The following BARX2 variants were observed in gnomAD, a reference collection of about 807,000 sequenced individuals.
BARX2 encodes the protein BARX homeobox 2.
In BARX2, 11 loss-of-function variants were observed where a neutral mutation model predicts 25.5. That is an observed-to-expected ratio of 0.43 (90% confidence interval 0.27 to 0.71). The LOEUF is 0.71. Among genes scored for constraint, BARX2 ranks in the 30% least tolerant of loss-of-function variants. The pLI is 0.19. For synonymous variants in BARX2, 137 were observed against 149.5 expected (o/e 0.92, Z 0.61); for missense variants, 360 against 359.9 (o/e 1.00, Z 0.00).
intron 1 of BARX2, among the ~76,000 whole-genome samples, chr11:129,432,478 C>T (rs543953102): frequency 1.3e-5 from 2 of 152,302 alleles, no homozygotes; most frequent in African/African-American, 4.8e-5. Flanking sequence ...TGACATAAAG[C>T]GAGAAAATTC....
chr11:129,382,952 C>G (rs1861583294), intron 1 of BARX2, among the ~76,000 whole-genome samples: 1 of 152,212 alleles, frequency 6.6e-6, no homozygotes, highest in Non-Finnish European at 1.5e-5. Flanking sequence ...TTGGGCCTGC[C>G]TGTCGGTGCC....
rs1230026508 is a variant in BARX2, at chr11:129,390,942, T to TA, written c.187+14723dup. On this transcript the variant is annotated intron_variant, in intron 1 of 3. Coordinates refer to ENST00000281437, the MANE Select transcript of BARX2 (RefSeq NM_003658.5). The surrounding 1 kb of genome is among the most constrained non-coding windows in gnomAD (Gnocchi z 4.3). ...GCACAGGCGGTGTGGAAGCAGGATT[T>TA]AAAGTAGAACTCCTGTCAAAAACCT... is the stretch of plus-strand genomic sequence containing the variant. Among the ~76,000 whole-genome samples the TA allele has an allele frequency of 2.0e-5, 3 of 152,204 alleles. No homozygotes were observed. Among genetic ancestry groups the TA allele is most frequent in the African/African-American group, 7.2e-5 (3 of 41,454 alleles).
intron 1 of BARX2, among the ~76,000 whole-genome samples, chr11:129,405,589 T>C (rs1861821406): frequency 6.6e-6 from 1 of 152,202 alleles, no homozygotes; most frequent in Non-Finnish European, 1.5e-5. Flanking sequence ...AACTTTACAC[T>C]TTAAGATGAT....
chr11:129,404,202 A>G (rs900847124), intron 1 of BARX2, among the ~76,000 whole-genome samples: 2 of 152,226 alleles, frequency 1.3e-5, no homozygotes, highest in African/African-American at 4.8e-5. Context: ...ACGGTTCTGA[A>G]TGACGTTGCC....
chr11:129,435,994 C>T (rs7122903), intron 1 of BARX2, among the ~76,000 whole-genome samples: 33,866 of 152,100 alleles, frequency 0.22, 3,923 homozygotes, highest in Middle Eastern at 0.3. Context: ...TGAGAATCCT[C>T]CTTAACATAG....
chr11:129,382,282 G>A (rs1487311890), intron 1 of BARX2, among the ~76,000 whole-genome samples: 3 of 152,050 alleles, frequency 2.0e-5, no homozygotes, highest in Non-Finnish European at 4.4e-5. Flanking sequence ...GGGTTCAAGC[G>A]ATCCTCCCAC....
At chr11:129,420,459 T>C (rs1340583046) in intron 1 of BARX2, among the ~76,000 whole-genome samples, 1 of 152,238 alleles carries the variant, frequency 6.6e-6, no homozygotes, top group Non-Finnish European at 1.5e-5. Flanking sequence ...TCAGCTTTCT[T>C]CTGTGTGACT....
At chr11:129,423,933 T>G (rs1171171479) in intron 1 of BARX2, among the ~76,000 whole-genome samples, 1 of 150,950 alleles carries the variant, frequency 6.6e-6, no homozygotes. Context: ...CACTGTAACC[T>G]CCACCTCCTA....
At chr11:129,409,771 G>A (rs958488450) in intron 1 of BARX2, among the ~76,000 whole-genome samples, 4 of 152,078 alleles carry the variant, frequency 2.6e-5, no homozygotes, top group Non-Finnish European at 5.9e-5. Flanking sequence ...TCTGCATTTT[G>A]GTGAGTCTTT....
At chr11:129,433,887 T>C (rs141816742) in intron 1 of BARX2, among the ~76,000 whole-genome samples, 11 of 152,206 alleles carry the variant, frequency 7.2e-5, no homozygotes, top group Non-Finnish European at 1.6e-4. Flanking sequence ...GGATGTAAGC[T>C]CCATGAAGGT....
At position 129,428,071 on chromosome 11, in the gene BARX2, C is replaced by G. The variant is rs185580992; in HGVS notation, c.188-8680C>G. Among the ~76,000 whole-genome samples, 805 of 152,290 alleles carry G rather than the reference C, an allele frequency of 5.3e-3. 5 individuals are homozygous for G. The highest frequency in any genetic ancestry group is 0.018 in the African/African-American group (763 of 41,550). ...AATGATATGCACAGTTATGTGATCT[C>G]CATCCCAGAGGGAAACATTGGCTAA... On this transcript the variant is annotated intron_variant, in intron 1 of 3. Transcript: ENST00000281437.
At chr11:129,396,674 T>C (rs1328002899) in intron 1 of BARX2, among the ~76,000 whole-genome samples, 1 of 152,076 alleles carries the variant, frequency 6.6e-6, no homozygotes. Flanking sequence ...CAACAGTGCA[T>C]AGCAACTCTT....
chr11:129,401,339 CA>C (rs1861773851), intron 1 of BARX2, among the ~76,000 whole-genome samples: 1 of 152,088 alleles, frequency 6.6e-6, no homozygotes, highest in Non-Finnish European at 1.5e-5. Context: ...AAAGTATAGA[CA>C]GTTTGAGGTT....
At position 129,387,012 on chromosome 11, in the gene BARX2, C is replaced by T. The variant is rs566748985; in HGVS notation, c.187+10790C>T. Among the ~76,000 whole-genome samples the T allele has an allele frequency of 2.5e-4, 38 of 152,296 alleles. 2 individuals carry two copies. In the South Asian group the frequency reaches 3.5e-3, roughly 14 times the overall value. ...GCACGAGGACTGTGCCCAAACTGGACGTGATGGAAAGGATGGTGGCTCTAT... is the reference window on the plus strand; with the variant it reads ...GCACGAGGACTGTGCCCAAACTGGATGTGATGGAAAGGATGGTGGCTCTAT... On this transcript the variant is annotated intron_variant, in intron 1 of 3. Transcript: ENST00000281437.
rs531269811 is a variant in BARX2, at chr11:129,410,552, T to C, written c.188-26199T>C. On this transcript the variant is annotated intron_variant, in intron 1 of 3. Coordinates refer to ENST00000281437, the MANE Select transcript of BARX2 (RefSeq NM_003658.5). ...AGGAATGAAGCTCTGAGACACTGAATGGGAGGGGTGTGTGGGGCTGTGTGT... is the reference window on the plus strand; with the variant it reads ...AGGAATGAAGCTCTGAGACACTGAACGGGAGGGGTGTGTGGGGCTGTGTGT... Among the ~76,000 whole-genome samples, 184 of 152,288 alleles carry C rather than the reference T, an allele frequency of 1.2e-3. 6 individuals carry two copies. Among genetic ancestry groups the C allele is most frequent in the Middle Eastern group, 6.8e-3 (2 of 294 alleles).
chr11:129,449,707 T>C (rs1327359016), intron 3 of BARX2, among the ~76,000 whole-genome samples: 2 of 152,242 alleles, frequency 1.3e-5, no homozygotes, highest in Non-Finnish European at 2.9e-5. Context: ...GCTTGCTTTA[T>C]ATCTTTTCTC....
At chr11:129,412,567 T>C (rs1455444473) in intron 1 of BARX2, among the ~76,000 whole-genome samples, 4 of 152,214 alleles carry the variant, frequency 2.6e-5, no homozygotes, top group East Asian at 1.9e-4. Flanking sequence ...TGCACTCACA[T>C]TGATACCCAC....
chr11:129,428,313 G>C (rs1477757010), intron 1 of BARX2, among the ~76,000 whole-genome samples: 2 of 152,206 alleles, frequency 1.3e-5, no homozygotes, highest in Non-Finnish European at 2.9e-5. Flanking sequence ...TTCACATTGT[G>C]ATAATTCTCA....
intron 1 of BARX2, among the ~76,000 whole-genome samples, chr11:129,407,066 A>G (rs1020127818): frequency 4.0e-5 from 6 of 151,060 alleles, no homozygotes; most frequent in Admixed American, 2.0e-4. Flanking sequence ...ATATTCCAGT[A>G]TAGACTCTAA....
Sources: allele counts gnomAD v4.1 joint callset (sites outside exome capture counted in the v4.1 genomes callset), GRCh38; gene constraint gnomAD v4.1.1; non-coding constraint Gnocchi (gnomAD v3.1); transcripts MANE v1.5; gene names NCBI Gene and HGNC (gene_info 2026-07-23, HGNC 2026-07-21).